The following C8orf34 variants were observed in gnomAD, a reference collection of about 807,000 sequenced individuals.
C8orf34 encodes uncharacterized protein C8orf34.
A neutral mutation model predicts 68.3 loss-of-function variants in C8orf34; 65 were observed. The ratio of observed to expected loss-of-function variants is 0.95; its 90% CI spans 0.78 to 1.17. C8orf34 has a LOEUF of 1.17. Among genes scored for constraint, C8orf34 ranks in the 50% most tolerant of loss-of-function variants. The probability of loss-of-function intolerance (pLI) is 0.00; values close to 1 mark genes in which losing one functional copy is unlikely to be tolerated. For missense variants in C8orf34, 664 were observed against 655.4 expected, an observed-to-expected ratio of 1.01 and a Z score of -0.14; for synonymous variants, 244 against 241.2, an observed-to-expected ratio of 1.01 and a Z score of -0.11.
chr8:68,774,325 G>GTATATATATATATATATATATATATATA, intron 10 of C8orf34, among the ~76,000 whole-genome samples: 1 of 39,248 alleles, frequency 2.5e-5, no homozygotes, highest in South Asian at 6.7e-4. Flanking sequence ...AAATATGGGT[G>GTATATATATATATATATATATATATATA]TGTGTGTATA....
At chr8:68,679,067 G>A (rs564953688) in intron 8 of C8orf34, among the ~76,000 whole-genome samples, 4 of 152,102 alleles carry the variant, frequency 2.6e-5, no homozygotes, top group South Asian at 2.1e-4. Context: ...TTGGGAGGCC[G>A]AGGTGGGCTG....
chr8:68,406,964 G>T, intron 1 of C8orf34, among the ~76,000 whole-genome samples: 1 of 152,170 alleles, frequency 6.6e-6, no homozygotes. Context: ...CCAGGAGCAT[G>T]AAGCCAGGAG....
chr8:68,798,984 T>C (rs1824255677), intron 12 of C8orf34, among the ~76,000 whole-genome samples: 1 of 152,328 alleles, frequency 6.6e-6, no homozygotes, highest in South Asian at 2.1e-4. Flanking sequence ...TTAACATGTC[T>C]TTGTCATGTG....
At chr8:68,568,048 A>G (rs1816649022) in intron 7 of C8orf34, among the ~76,000 whole-genome samples, 1 of 152,030 alleles carries the variant, frequency 6.6e-6, no homozygotes, top group Admixed American at 6.6e-5. Context: ...GCAGAGAGAT[A>G]GGGGGATGGC....
At chr8:68,578,150 T>A (rs569608849) in intron 7 of C8orf34, among the ~76,000 whole-genome samples, 1 of 151,954 alleles carries the variant, frequency 6.6e-6, no homozygotes, top group Non-Finnish European at 1.5e-5. Flanking sequence ...CTTGCCAAGA[T>A]TTTTGGGGCT....
chr8:68,334,949 C>T (rs1302311412), intron 1 of C8orf34, among the ~76,000 whole-genome samples: 1 of 152,196 alleles, frequency 6.6e-6, no homozygotes, highest in Non-Finnish European at 1.5e-5. Context: ...CAACCCTGAA[C>T]TCCAATTTGC....
At chr8:68,415,463 A>G (rs1055751712) in intron 1 of C8orf34, among the ~76,000 whole-genome samples, 2 of 152,016 alleles carry the variant, frequency 1.3e-5, no homozygotes, top group African/African-American at 4.8e-5. Context: ...CTGGGCAACG[A>G]GAGTGAAATT....
intron 7 of C8orf34, among the ~76,000 whole-genome samples, chr8:68,633,496 T>G (rs565784347): frequency 1.3e-5 from 2 of 152,324 alleles, no homozygotes; most frequent in African/African-American, 4.8e-5. Context: ...ATAGGGCAAG[T>G]ATATTTTTTA....
intron 7 of C8orf34, among the ~76,000 whole-genome samples, chr8:68,605,617 C>G (rs913168073): frequency 1.3e-5 from 2 of 152,056 alleles, no homozygotes; most frequent in East Asian, 3.9e-4. Context: ...GTGAAATAAA[C>G]CAATCTGAAA....
chr8:68,590,141 AAAAGG>A lies in C8orf34; in HGVS notation c.1106-50220_1106-50216del, dbSNP rs139401783. ...AGAAAGGAAGAGAAAGGAAGGAAGG[AAAAGG>A]AAAGGAAAGGAAAGAAGGAAGGAGG... On this transcript the variant is annotated intron_variant, in intron 7 of 13. Coordinates refer to ENST00000518698, the MANE Select transcript of C8orf34 (RefSeq NM_052958.4). 8.6e-3 allele frequency among the ~76,000 whole-genome samples: 1,278 copies of A among 149,068 alleles called. 21 individuals carry two copies. Among genetic ancestry groups the A allele is most frequent in the African/African-American group, 0.029 (1,163 of 40,486 alleles).
intron 7 of C8orf34, among the ~76,000 whole-genome samples, chr8:68,630,967 T>TAA (rs1554588219): frequency 6.6e-5 from 9 of 137,206 alleles, no homozygotes; most frequent in African/African-American, 2.6e-4. Flanking sequence ...TTTTTTTTTT[T>TAA]AAAAAACAGG....
chr8:68,520,221 T>G (rs1056650809), intron 5 of C8orf34, among the ~76,000 whole-genome samples: 1 of 152,244 alleles, frequency 6.6e-6, no homozygotes, highest in African/African-American at 2.4e-5. Flanking sequence ...GGATCAATAT[T>G]AAGATATCTA....
At chr8:68,654,552 CA>C (rs1489081867) in intron 8 of C8orf34, among the ~76,000 whole-genome samples, 4 of 152,110 alleles carry the variant, frequency 2.6e-5, no homozygotes, top group Non-Finnish European at 5.9e-5. Context: ...GTATAATCTT[CA>C]AAATTTATAA....
intron 7 of C8orf34, among the ~76,000 whole-genome samples, chr8:68,553,396 A>AC (rs1277443582): frequency 6.6e-6 from 1 of 150,416 alleles, no homozygotes. Context: ...AAAAAAAAAA[A>AC]AAAAAAAAAA....
chr8:68,394,245 C>A (rs551955187), intron 1 of C8orf34, among the ~76,000 whole-genome samples: 6 of 130,222 alleles, frequency 4.6e-5, no homozygotes, highest in African/African-American at 1.1e-4. Flanking sequence ...CCCCTCCCCC[C>A]ACCCCACAAC....
At chr8:68,751,992 TTA>T (rs987447974) in intron 10 of C8orf34, among the ~76,000 whole-genome samples, 2 of 152,096 alleles carry the variant, frequency 1.3e-5, no homozygotes, top group Non-Finnish European at 2.9e-5. Context: ...ATTAAGATTT[TTA>T]TGTTTTAGTT....
intron 8 of C8orf34, among the ~76,000 whole-genome samples, chr8:68,665,864 A>G (rs1383465841): frequency 2.6e-5 from 4 of 152,182 alleles, no homozygotes; most frequent in African/African-American, 9.7e-5. Flanking sequence ...CCCCGCTGCT[A>G]GAATACTAGC....
chr8:68,397,083 C>T (rs554753734), intron 1 of C8orf34, among the ~76,000 whole-genome samples: 6 of 151,874 alleles, frequency 4.0e-5, no homozygotes, highest in African/African-American at 9.7e-5. Context: ...CTTGGCTCAC[C>T]GCATCCTCCA....
chr8:68,778,731 G>A (rs1430956192), intron 11 of C8orf34, among the ~76,000 whole-genome samples: 3 of 152,016 alleles, frequency 2.0e-5, no homozygotes, highest in African/African-American at 4.8e-5. Context: ...GATAACTCAA[G>A]GTGGGAATAA....
Sources: gnomAD v4.1 joint callset for allele counts (sites outside exome capture counted in the v4.1 genomes callset) on GRCh38, gnomAD v4.1.1 for gene constraint, MANE v1.5 for transcripts, NCBI Gene and HGNC (gene_info 2026-07-23, HGNC 2026-07-21) for gene names.